GALNT2: variants seen among roughly 807,000 people sequenced by gnomAD.
The protein encoded by GALNT2 is UDP-GalNAc:polypeptide N-acetylgalactosaminyltransferase 2.
GALNT2 carries 31 observed loss-of-function variants against 81.4 expected under a neutral mutation model. That is an observed-to-expected ratio of 0.38 (90% CI 0.29 to 0.51). The LOEUF is 0.51. GALNT2 is among the 20% of genes least tolerant of loss of function. The pLI, the probability that GALNT2 is intolerant of heterozygous loss-of-function variation, is 0.87. For missense variants in GALNT2, 629 were observed against 765.7 expected, an observed-to-expected ratio of 0.82 and a Z score of 2.11; for synonymous variants, 303 against 287.4, an observed-to-expected ratio of 1.05 and a Z score of -0.55.
intron 1 of GALNT2, among the ~76,000 whole-genome samples, chr1:230,072,807 G>C (rs1353280300): frequency 6.6e-6 from 1 of 152,228 alleles, no homozygotes; most frequent in Non-Finnish European, 1.5e-5. Flanking sequence ...AGCAATCAAA[G>C]GGTTGAATCC....
At chr1:230,148,129 C>A (rs1269654302) in intron 1 of GALNT2, among the ~76,000 whole-genome samples, 2 of 152,190 alleles carry the variant, frequency 1.3e-5, no homozygotes, top group Non-Finnish European at 2.9e-5. Context: ...CCCCATCCCG[C>A]TTTAAAGCTT....
intron 5 of GALNT2, 33 bp downstream of exon 5, chr1:230,236,453 T>TG: frequency 6.2e-7 from 1 of 1,600,222 alleles, no homozygotes. Flanking sequence ...TCCCTGTGTC[T>TG]GGCTCTTCTC....
intron 14 of GALNT2, among the ~76,000 whole-genome samples, chr1:230,266,866 G>A (rs999198053): frequency 2.6e-5 from 4 of 152,312 alleles, no homozygotes; most frequent in Non-Finnish European, 5.9e-5. Context: ...TGGATTCTCC[G>A]TATCAGCGTC....
intron 1 of GALNT2, among the ~76,000 whole-genome samples, chr1:230,060,107 T>A (rs1425122225): frequency 2.0e-5 from 3 of 152,242 alleles, no homozygotes; most frequent in South Asian, 2.1e-4. Context: ...TTCAGGTCCA[T>A]TAATCTGGGA....
intron 1 of GALNT2, among the ~76,000 whole-genome samples, chr1:230,163,229 T>C (rs952641978): frequency 1.3e-5 from 2 of 152,218 alleles, no homozygotes; most frequent in African/African-American, 2.4e-5. Context: ...CCAACCTTCA[T>C]GTGCAGTGAG....
At chr1:230,244,192 G>A (rs1363365322) in intron 7 of GALNT2, among the ~76,000 whole-genome samples, 6 of 151,914 alleles carry the variant, frequency 3.9e-5, no homozygotes, top group Non-Finnish European at 5.9e-5. Flanking sequence ...GTGAGTCATG[G>A]AATACTAAGT....
intron 1 of GALNT2, among the ~76,000 whole-genome samples, chr1:230,099,293 T>G (rs1660335561): frequency 6.6e-6 from 1 of 152,212 alleles, no homozygotes; most frequent in African/African-American, 2.4e-5. Flanking sequence ...CTGCACTATT[T>G]CTATGATTGC....
intron 14 of GALNT2, among the ~76,000 whole-genome samples, chr1:230,269,591 A>G (rs1176873545): frequency 6.6e-6 from 1 of 152,122 alleles, no homozygotes; most frequent in Non-Finnish European, 1.5e-5. Context: ...AAGAGCTAAC[A>G]AGTGATTCTA....
In GALNT2 at chr1:230,131,315, C is replaced by T. The variant is rs898709699; in HGVS notation, c.127-46903C>T. ...CCTGGAGGAAGACACTTCCACAGGCCAGATGCTAACATTCATTTCTGCTGA... is the reference window on the plus strand; with the variant it reads ...CCTGGAGGAAGACACTTCCACAGGCTAGATGCTAACATTCATTTCTGCTGA... On this transcript the variant is annotated intron_variant, in intron 1 of 15. Coordinates refer to ENST00000366672, the MANE Select transcript of GALNT2 (RefSeq NM_004481.5). 2.0e-5 allele frequency among the ~76,000 whole-genome samples: 3 copies of T among 152,248 alleles called. No homozygotes were observed. The East Asian group carries it at 5.8e-4, about 29-fold the overall frequency.
intron 2 of GALNT2, among the ~76,000 whole-genome samples, chr1:230,197,904 G>A (rs573494469): frequency 7.9e-5 from 12 of 152,264 alleles, no homozygotes; most frequent in African/African-American, 2.6e-4. Context: ...TCCAGCCAGC[G>A]ATCTGACTGA....
chr1:230,144,819 G>A (rs1370777834), intron 1 of GALNT2, among the ~76,000 whole-genome samples: 2 of 152,186 alleles, frequency 1.3e-5, no homozygotes, highest in Non-Finnish European at 2.9e-5. Context: ...CAACTATAAA[G>A]TATTAAAAAG....
chr1:230,185,285 TGTGTGTGTGTGTGTGTGCGCGC>T (rs1663292294), intron 2 of GALNT2, among the ~76,000 whole-genome samples: 2 of 113,670 alleles, frequency 1.8e-5, no homozygotes, highest in Non-Finnish European at 3.9e-5. Context: ...TGTGTGTGTG[TGTGTGTGTGTGTGTGTGCGCGC>T]GTGTGTGTGT....
Position 230,275,434 on chromosome 1 carries a change from CAT to C in GALNT2, c.1560+878_1560+879del, listed in dbSNP as rs981136000. On this transcript the variant is annotated intron_variant, in intron 15 of 15. Transcript: ENST00000366672. This position sits in a 1 kb window ranked among gnomAD's most constrained non-coding sequence, Gnocchi z 5.5. ...GTAAACACCACATATATACACACCA[CAT>C]ATATATACACGCCACATATATACAT... is the stretch of plus-strand genomic sequence containing the variant. 1.3e-5 allele frequency among the ~76,000 whole-genome samples: 2 copies of C among 150,828 alleles called. No individual in the cohort carries two copies. Among genetic ancestry groups the C allele is most frequent in the African/African-American group, 2.4e-5 (1 of 40,988 alleles).
At chr1:230,179,697 T>A (rs867929441) in intron 2 of GALNT2, among the ~76,000 whole-genome samples, 1 of 152,224 alleles carries the variant, frequency 6.6e-6, no homozygotes, top group South Asian at 2.1e-4. Flanking sequence ...AGGATAATCG[T>A]CCTTTATCAG....
At chr1:230,060,719 C>T (rs1200353634) in intron 1 of GALNT2, among the ~76,000 whole-genome samples, 1 of 152,210 alleles carries the variant, frequency 6.6e-6, no homozygotes, top group African/African-American at 2.4e-5. Flanking sequence ...GTGATCCACT[C>T]TTCCCTGAAT....
At chr1:230,134,894 T>C (rs1661487974) in intron 1 of GALNT2, among the ~76,000 whole-genome samples, 1 of 152,210 alleles carries the variant, frequency 6.6e-6, no homozygotes, top group Non-Finnish European at 1.5e-5. Context: ...GACAAATCAC[T>C]GAGTTGTCTG....
chr1:230,228,012 GTGT>G (rs1407773633), intron 3 of GALNT2, among the ~76,000 whole-genome samples: 4 of 152,164 alleles, frequency 2.6e-5, no homozygotes, highest in Non-Finnish European at 5.9e-5. Context: ...GCACAGTGAG[GTGT>G]TGAATACAGA....
chr1:230,188,199 A>G (rs763763484), intron 2 of GALNT2, among the ~76,000 whole-genome samples: 32 of 152,210 alleles, frequency 2.1e-4, no homozygotes, highest in African/African-American at 7.5e-4. Context: ...AGATTGTCTT[A>G]TGTGGCCCCA....
intron 3 of GALNT2, among the ~76,000 whole-genome samples, chr1:230,225,718 T>G (rs1664690142): frequency 6.7e-6 from 1 of 148,946 alleles, no homozygotes; most frequent in Admixed American, 6.7e-5. Context: ...ATATGGTCCA[T>G]ACCAGAGTTC....
Sources: allele counts gnomAD v4.1 joint callset (sites outside exome capture counted in the v4.1 genomes callset), GRCh38; gene constraint gnomAD v4.1.1; non-coding constraint Gnocchi (gnomAD v3.1); transcripts MANE v1.5; gene names NCBI Gene and HGNC (gene_info 2026-07-23, HGNC 2026-07-21).